Variants in DPH6 observed in about 807,000 individuals in gnomAD.
The protein encoded by DPH6 is diphthamine biosynthesis 6.
In DPH6, 33 loss-of-function variants were observed where a neutral mutation model predicts 38.2. The ratio of observed to expected loss-of-function variants is 0.86; its 90% CI spans 0.65 to 1.15. DPH6 has a LOEUF of 1.15. Ranked by LOEUF, DPH6 falls within the 50% of genes most tolerant of loss-of-function variation. The pLI, the probability that DPH6 is intolerant of heterozygous loss-of-function variation, is 0.00. For synonymous variants in DPH6, 108 were observed against 103.0 expected (o/e 1.05, Z -0.30); for missense variants, 325 against 320.0 (o/e 1.02, Z -0.12).
intron 5 of DPH6, among the ~76,000 whole-genome samples, chr15:35,412,924 T>C (rs955839492): frequency 4.0e-5 from 6 of 151,658 alleles, no homozygotes; most frequent in African/African-American, 1.4e-4. Context: ...TTATTATACA[T>C]CTGTCGAAGC....
At chr15:35,449,567 AGAGT>A (rs1393125312) in intron 5 of DPH6, among the ~76,000 whole-genome samples, 2 of 152,130 alleles carry the variant, frequency 1.3e-5, no homozygotes, top group African/African-American at 4.8e-5. Context: ...ATTCAAAGAG[AGAGT>A]GAGAGACAAA....
intron 5 of DPH6, among the ~76,000 whole-genome samples, chr15:35,435,584 T>C (rs8028401): frequency 0.25 from 38,739 of 152,034 alleles, 7,420 homozygotes; most frequent in African/African-American, 0.55. Flanking sequence ...CAATCTGTGA[T>C]GTGGGTGCAT....
chr15:35,182,220 ATTTTTTTTTTT>A, the DPH6 span, among the ~76,000 whole-genome samples: 16,348 of 86,142 alleles, frequency 0.19, 1,537 homozygotes, highest in East Asian at 0.38. Context: ...AACTCTAAGA[ATTTTTTTTTTT>A]TTTTTTTTTT....
chr15:35,318,989 T>A (rs978307553), intron 3 of DPH6, among the ~76,000 whole-genome samples: 1 of 152,208 alleles, frequency 6.6e-6, no homozygotes, highest in African/African-American at 2.4e-5. Flanking sequence ...TTACTTCACC[T>A]ACTTGGTTGC....
intron 3 of DPH6, among the ~76,000 whole-genome samples, chr15:35,315,008 A>C (rs2052176340): frequency 6.6e-6 from 1 of 152,146 alleles, no homozygotes; most frequent in Non-Finnish European, 1.5e-5. Flanking sequence ...AGCTTTCTGA[A>C]TCCTGGCGAA....
Position 35,290,231 on chromosome 15 carries a change from A to G in DPH6, n.201-69649T>C, listed in dbSNP as rs1001302346. On this transcript the variant is annotated intron_variant and non_coding_transcript_variant, in intron 3 of 3. Transcript: ENST00000560386. ...TAGTAGGTACACAGCACAAATCAAC[A>G]TTAAGGTATTACAAAGAAGAGACAG... Among the ~76,000 whole-genome samples the G allele has an allele frequency of 2.0e-5, 3 of 152,214 alleles. No individual in the cohort carries two copies. The East Asian group carries it at 5.8e-4, about 29-fold the overall frequency.
intron 1 of DPH6, among the ~76,000 whole-genome samples, chr15:35,544,609 G>T (rs1474151274): frequency 6.6e-6 from 1 of 151,956 alleles, no homozygotes; most frequent in East Asian, 1.9e-4. Context: ...CATATATATA[G>T]AATACATAGG....
intron 5 of DPH6, among the ~76,000 whole-genome samples, chr15:35,411,717 A>G (rs1281267720): frequency 1.3e-5 from 2 of 151,784 alleles, no homozygotes; most frequent in Non-Finnish European, 3.0e-5. Context: ...ATATTGGCAT[A>G]GTTTCATTTA....
the DPH6 span, among the ~76,000 whole-genome samples, chr15:35,168,824 T>C: frequency 2.0e-5 from 3 of 152,134 alleles, no homozygotes; most frequent in Non-Finnish European, 2.9e-5. Context: ...AACAATCAGA[T>C]TCTGTCAGGC....
the DPH6 span, among the ~76,000 whole-genome samples, chr15:35,182,693 C>A: frequency 6.6e-6 from 1 of 152,134 alleles, no homozygotes; most frequent in Non-Finnish European, 1.5e-5. Flanking sequence ...GATATTATTT[C>A]ATTGTGAATA....
chr15:35,468,232 G>A (rs2054152246), intron 3 of DPH6, among the ~76,000 whole-genome samples: 2 of 152,148 alleles, frequency 1.3e-5, no homozygotes, highest in Non-Finnish European at 2.9e-5. Flanking sequence ...TCCTTCAAGA[G>A]AGCTTTTATT....
intron 7 of DPH6, among the ~76,000 whole-genome samples, chr15:35,379,115 T>C (rs1379883328): frequency 2.0e-5 from 3 of 152,208 alleles, no homozygotes; most frequent in Non-Finnish European, 4.4e-5. Flanking sequence ...TCCATGTCAC[T>C]TGAGTCTACT....
chr15:35,438,399 C>G (rs1595563467), intron 5 of DPH6, among the ~76,000 whole-genome samples: 1 of 152,142 alleles, frequency 6.6e-6, no homozygotes, highest in Admixed American at 6.6e-5. Flanking sequence ...GAAAAGGTGC[C>G]AAGGATTCCA....
chr15:35,486,842 T>C (rs2054406546), intron 3 of DPH6, among the ~76,000 whole-genome samples: 1 of 152,188 alleles, frequency 6.6e-6, no homozygotes, highest in Non-Finnish European at 1.5e-5. Flanking sequence ...AAGTCCCTTC[T>C]GCCTATGAGC....
the DPH6 span, among the ~76,000 whole-genome samples, chr15:35,153,121 T>A: frequency 1.3e-5 from 2 of 152,168 alleles, no homozygotes; most frequent in Admixed American, 1.3e-4. Context: ...ATTTCAGTGT[T>A]TAAAGATTTA....
intron 3 of DPH6, among the ~76,000 whole-genome samples, chr15:35,285,696 C>A (rs547433209): frequency 3.8e-4 from 58 of 151,896 alleles, no homozygotes; most frequent in Middle Eastern, 6.8e-3. Context: ...ATTACTTAAT[C>A]TATTTCTTTT....
chr15:35,253,386 T>G (rs1225502698), intron 3 of DPH6, among the ~76,000 whole-genome samples: 13 of 152,194 alleles, frequency 8.5e-5, no homozygotes, highest in Admixed American at 8.5e-4. Flanking sequence ...GCACAGGAAC[T>G]ATATGAATAA....
chr15:35,533,934 T>C (rs1307722630), intron 3 of DPH6, among the ~76,000 whole-genome samples: 1 of 151,980 alleles, frequency 6.6e-6, no homozygotes, highest in Non-Finnish European at 1.5e-5. Context: ...AAGTGTGAGA[T>C]GTGAGGTTGG....
At chr15:35,322,907 A>G (rs1433632529) in intron 3 of DPH6, among the ~76,000 whole-genome samples, 10 of 152,146 alleles carry the variant, frequency 6.6e-5, no homozygotes, top group Admixed American at 5.9e-4. Context: ...ATGCCTCTGA[A>G]CATCATGTTT....
Sources: gnomAD v4.1 joint callset for allele counts (sites outside exome capture counted in the v4.1 genomes callset) on GRCh38, gnomAD v4.1.1 for gene constraint, MANE v1.5 for transcripts, NCBI Gene and HGNC (gene_info 2026-07-23, HGNC 2026-07-21) for gene names.